Variants in CDIN1 observed in about 807,000 individuals in gnomAD.
CDIN1 encodes CDAN1 interacting nuclease 1.
A neutral mutation model predicts 45.3 loss-of-function variants in CDIN1; 33 were observed. The ratio of observed to expected loss-of-function variants is 0.73; its 90% CI spans 0.55 to 0.97. CDIN1 has a LOEUF of 0.97. Among genes scored for constraint, CDIN1 ranks in the 50% least tolerant of loss-of-function variants. The pLI is 0.00. For missense variants in CDIN1, 303 were observed against 339.4 expected (o/e 0.89, Z 0.84); for synonymous variants, 118 against 124.4 (o/e 0.95, Z 0.34).
intron 10 of CDIN1, among the ~76,000 whole-genome samples, chr15:36,746,339 A>G (rs1255369997): frequency 1.3e-5 from 2 of 152,216 alleles, no homozygotes; most frequent in Non-Finnish European, 2.9e-5. Context: ...CAAGTGCAAA[A>G]TAGAAAAGGA....
At chr15:36,612,966 A>G (rs2038719020) in intron 1 of CDIN1, among the ~76,000 whole-genome samples, 1 of 152,252 alleles carries the variant, frequency 6.6e-6, no homozygotes, top group African/African-American at 2.4e-5. Context: ...GCCATTATCA[A>G]AATGAAAGCA....
chr15:36,720,392 A>T lies in CDIN1; in HGVS notation c.716+10431A>T, dbSNP rs576179481. The stretch of plus-strand genomic sequence containing the variant: ...TGCTGCACCCATCAACTCTTCATTT[A>T]TATTAGGTATTTCTCCTAATGCTAT... On this transcript the variant is annotated intron_variant, in intron 10 of 10. Coordinates refer to ENST00000566621, the MANE Select transcript of CDIN1 (RefSeq NM_001321759.2). Among the ~76,000 whole-genome samples the T allele has an allele frequency of 2.6e-5, 4 of 151,970 alleles. No individual in the cohort carries two copies. In the East Asian group the frequency reaches 7.8e-4, roughly 29 times the overall value.
At chr15:36,597,793 T>A (rs2037907886) in intron 1 of CDIN1, among the ~76,000 whole-genome samples, 1 of 152,186 alleles carries the variant, frequency 6.6e-6, no homozygotes, top group African/African-American at 2.4e-5. Flanking sequence ...TCATTGACTG[T>A]CAGTTCTCCT....
intron 5 of CDIN1, among the ~76,000 whole-genome samples, chr15:36,665,077 C>T (rs960764092): frequency 6.6e-6 from 1 of 152,068 alleles, no homozygotes; most frequent in Non-Finnish European, 1.5e-5. Flanking sequence ...TAGGAATGAA[C>T]TTATTTTGGA....
chr15:36,597,361 T>G (rs578170281), intron 1 of CDIN1, among the ~76,000 whole-genome samples: 3 of 152,350 alleles, frequency 2.0e-5, no homozygotes, highest in Non-Finnish European at 4.4e-5. Context: ...CTTACTGAAT[T>G]TTTTGATACA....
chr15:36,776,974 G>T (rs183387624), intron 10 of CDIN1, among the ~76,000 whole-genome samples: 1 of 152,104 alleles, frequency 6.6e-6, no homozygotes, highest in Admixed American at 6.6e-5. Flanking sequence ...TGCATGAAGC[G>T]CTGTTTTCAT....
At chr15:36,762,642 A>C (rs8042454) in intron 10 of CDIN1, among the ~76,000 whole-genome samples, 98,285 of 148,848 alleles carry the variant, frequency 0.66, 32,942 homozygotes, top group East Asian at 0.93. Flanking sequence ...ATCCCTCCCC[A>C]CTCCCACCAC....
intron 5 of CDIN1, chr15:36,691,214 G>A (rs1416961938): frequency 1.9e-6 from 1 of 517,804 alleles, no homozygotes; most frequent in Non-Finnish European, 3.9e-6. Context: ...ATGGCTGAAA[G>A]CCATTTTAAT....
At chr15:36,726,175 C>G (rs1288586391) in intron 10 of CDIN1, among the ~76,000 whole-genome samples, 1 of 152,164 alleles carries the variant, frequency 6.6e-6, no homozygotes, top group Non-Finnish European at 1.5e-5. Context: ...CTGTTTTACT[C>G]ATATCACTGC....
intron 1 of CDIN1, among the ~76,000 whole-genome samples, chr15:36,599,107 CTT>C (rs10709743): frequency 4.9e-4 from 65 of 133,856 alleles, no homozygotes; most frequent in Non-Finnish European, 6.1e-4. Context: ...AGCATACTTG[CTT>C]TTTTTTTTTT....
chr15:36,604,847 C>T (rs1016605685), intron 1 of CDIN1, among the ~76,000 whole-genome samples: 2 of 152,002 alleles, frequency 1.3e-5, no homozygotes, highest in African/African-American at 4.8e-5. Flanking sequence ...AATGGCTTTA[C>T]GGTAGTTCTT....
At chr15:36,613,781 A>G (rs1156558451) in intron 1 of CDIN1, 12 of 1,602,346 alleles carry the variant, frequency 7.5e-6, no homozygotes, top group Non-Finnish European at 1.0e-5. Flanking sequence ...AGATGAAGAA[A>G]AGATAGAACT....
chr15:36,585,469 A>G (rs1474341849), intron 1 of CDIN1, among the ~76,000 whole-genome samples: 1 of 152,150 alleles, frequency 6.6e-6, no homozygotes, highest in Non-Finnish European at 1.5e-5. Context: ...ATTTTATAGA[A>G]TGTCCTTTCC....
At chr15:36,595,220 G>C (rs911156908) in intron 1 of CDIN1, among the ~76,000 whole-genome samples, 2 of 150,816 alleles carry the variant, frequency 1.3e-5, no homozygotes, top group African/African-American at 2.4e-5. Flanking sequence ...GTCTTGAAAG[G>C]CTTAGATGAT....
intron 3 of CDIN1, among the ~76,000 whole-genome samples, chr15:36,646,870 GA>G (rs1171738639): frequency 6.6e-6 from 1 of 152,146 alleles, no homozygotes; most frequent in African/African-American, 2.4e-5. Context: ...TCATTGTAAG[GA>G]GGTTGTTTTA....
intron 10 of CDIN1, among the ~76,000 whole-genome samples, chr15:36,806,804 G>A (rs780960558): frequency 6.6e-6 from 1 of 152,100 alleles, no homozygotes; most frequent in East Asian, 1.9e-4. Context: ...AGAAACCCTC[G>A]GTTAAATGGA....
intron 10 of CDIN1, among the ~76,000 whole-genome samples, chr15:36,800,907 G>GTATATA (rs1282877205): frequency 0.022 from 681 of 31,420 alleles, 14 homozygotes; most frequent in Middle Eastern, 0.038. Context: ...GTGTGTGTGT[G>GTATATA]TGTATATATA....
At chr15:36,615,637 A>G (rs2038852818) in intron 1 of CDIN1, among the ~76,000 whole-genome samples, 1 of 152,220 alleles carries the variant, frequency 6.6e-6, no homozygotes, top group Admixed American at 6.5e-5. Flanking sequence ...AGAAATCTGA[A>G]GGGTTTCATG....
At chr15:36,692,022 G>A (rs1566904825) in intron 6 of CDIN1, 104 bp from the exon 7 acceptor site, 9 of 1,138,218 alleles carry the variant, frequency 7.9e-6, no homozygotes, top group Middle Eastern at 2.5e-4. Context: ...TTTTTGGGGG[G>A]CGGGGGTGGG....
Sources: allele counts gnomAD v4.1 joint callset (sites outside exome capture counted in the v4.1 genomes callset), GRCh38; gene constraint gnomAD v4.1.1; transcripts MANE v1.5; gene names NCBI Gene and HGNC (gene_info 2026-07-23, HGNC 2026-07-21).